Variants in FA2H observed in about 807,000 individuals in gnomAD.
FA2H encodes the protein fatty acid alpha-hydroxylase.
In FA2H, 22 loss-of-function variants were observed where a neutral mutation model predicts 44.9. That is an observed-to-expected ratio of 0.49 (90% confidence interval 0.35 to 0.70). The LOEUF (loss-of-function observed/expected upper bound fraction) is 0.70. Ranked by LOEUF, FA2H falls within the 30% of genes least tolerant of loss-of-function variation. The pLI is 0.01. For synonymous variants in FA2H, 243 were observed against 213.2 expected, an observed-to-expected ratio of 1.14 and a Z score of -1.22; for missense variants, 501 against 504.9, an observed-to-expected ratio of 0.99 and a Z score of 0.07.
intron 6 of FA2H, 36 bp downstream of exon 6, chr16:74,716,311 C>A: frequency 6.2e-7 from 1 of 1,609,526 alleles, no homozygotes; most frequent in Non-Finnish European, 8.5e-7. Context: ...TCAATGAACA[C>A]ACATAGGGGG....
intron 1 of FA2H, among the ~76,000 whole-genome samples, chr16:74,772,131 G>A (rs1297260776): frequency 2.0e-5 from 3 of 152,076 alleles, no homozygotes; most frequent in East Asian, 1.9e-4. Flanking sequence ...GGCCCCGGCC[G>A]ACTTTTGGCC....
At chr16:74,748,842 G>T (rs942310687) in intron 1 of FA2H, among the ~76,000 whole-genome samples, 2 of 152,202 alleles carry the variant, frequency 1.3e-5, no homozygotes, top group African/African-American at 4.8e-5. Flanking sequence ...ACCGCGGGAC[G>T]GACAGATGGC....
chr16:74,741,352 C>G (rs1962290494), intron 1 of FA2H: 1 of 152,226 alleles, frequency 6.6e-6, no homozygotes, highest in Admixed American at 6.5e-5. Context: ...GTGACAGTGA[C>G]TATTTTGGCA....
At chr16:74,716,256 A>C (rs963870542) in intron 6 of FA2H, 91 bp downstream of exon 6, 2 of 1,450,696 alleles carry the variant, frequency 1.4e-6, no homozygotes, top group African/African-American at 2.8e-5. Flanking sequence ...TACATGGAAC[A>C]GTGCCTTGCC....
At chr16:74,719,750 C>A (rs1961788160) in intron 4 of FA2H, among the ~76,000 whole-genome samples, 1 of 151,870 alleles carries the variant, frequency 6.6e-6, no homozygotes, top group Admixed American at 6.6e-5. Context: ...GAGACGAGAT[C>A]TTGCTATGTT....
intron 2 of FA2H, 114 bp from the exon 3 acceptor site, chr16:74,727,500 T>C: frequency 8.6e-7 from 1 of 1,156,664 alleles, no homozygotes. Flanking sequence ...TCCTGTGATC[T>C]GTGTGGGGCC....
chr16:74,747,283 C>T (rs541548669), intron 1 of FA2H, among the ~76,000 whole-genome samples: 10 of 151,816 alleles, frequency 6.6e-5, no homozygotes, highest in Non-Finnish European at 8.8e-5. Context: ...TGCACTCCAG[C>T]CTGGGTGACA....
chr16:74,720,180 C>CTTTTT lies in FA2H; in HGVS notation c.614-1025_614-1021dup, dbSNP rs56341013. Among the ~76,000 whole-genome samples the CTTTTT allele has an allele frequency of 2.5e-3, 118 of 47,244 alleles. 21 individuals are homozygous for CTTTTT. Among genetic ancestry groups the CTTTTT allele is most frequent in the African/African-American group, 7.2e-3 (71 of 9,822 alleles). 31.0% of individuals were successfully genotyped at this position (47,244 alleles called of 152,430 possible). A position where few individuals can be genotyped will look rare whatever the true frequency, so the allele number is the denominator to read the frequency against. On this transcript the variant is annotated intron_variant, in intron 4 of 6. Transcript: ENST00000219368. ...TTTGCTCCATATATTCATCCTCATC[C>CTTTTT]TTTTTTTTTTTTTTTTTTTTTTTTT...
intron 2 of FA2H, among the ~76,000 whole-genome samples, chr16:74,735,129 A>G (rs1377480582): frequency 1.3e-5 from 2 of 152,212 alleles, no homozygotes; most frequent in African/African-American, 4.8e-5. Context: ...GTTCGGCTGC[A>G]TATGCTGTGG....
chr16:74,739,926 G>A (rs780549181), intron 2 of FA2H, 97 bp downstream of exon 2: 269 of 927,254 alleles, frequency 2.9e-4, no homozygotes, highest in Admixed American at 3.0e-4. Flanking sequence ...CTGGGCACAC[G>A]TCATGCCCAC....
At chr16:74,756,158 G>C (rs538192179) in intron 1 of FA2H, among the ~76,000 whole-genome samples, 168 of 152,270 alleles carry the variant, frequency 1.1e-3, no homozygotes, top group African/African-American at 3.9e-3. Flanking sequence ...TGCCGTCCTA[G>C]CCTTGGTCAT....
At chr16:74,719,985 C>T (rs1217223154) in intron 4 of FA2H, among the ~76,000 whole-genome samples, 6 of 151,934 alleles carry the variant, frequency 3.9e-5, no homozygotes, top group Admixed American at 3.9e-4. Context: ...TGTGAAAACA[C>T]TGAAGATGAT....
At chr16:74,766,929 T>G (rs555267071) in intron 1 of FA2H, among the ~76,000 whole-genome samples, 1 of 151,932 alleles carries the variant, frequency 6.6e-6, no homozygotes, top group Non-Finnish European at 1.5e-5. Context: ...CGCTGTTGCC[T>G]GGGAGGAGGC....
chr16:74,748,574 T>G (rs1962470185), intron 1 of FA2H, among the ~76,000 whole-genome samples: 1 of 152,032 alleles, frequency 6.6e-6, no homozygotes, highest in African/African-American at 2.4e-5. Flanking sequence ...CTTTCTCCCC[T>G]CGTGGAGGAC....
chr16:74,760,305 G>A (rs1248310628), intron 1 of FA2H, among the ~76,000 whole-genome samples: 2 of 152,086 alleles, frequency 1.3e-5, no homozygotes, highest in African/African-American at 4.8e-5. Context: ...ATGTATTTGG[G>A]GTGTTTTGCA....
chr16:74,758,479 A>C (rs1046767622), intron 1 of FA2H, among the ~76,000 whole-genome samples: 58 of 152,126 alleles, frequency 3.8e-4, no homozygotes, highest in African/African-American at 1.4e-3. Context: ...AACTATATTA[A>C]TATGTAATTA....
At chr16:74,760,100 T>C (rs1962679701) in intron 1 of FA2H, among the ~76,000 whole-genome samples, 1 of 152,130 alleles carries the variant, frequency 6.6e-6, no homozygotes, top group Admixed American at 6.5e-5. Context: ...ATCCAAGTGT[T>C]CTTTATCTGA....
chr16:74,742,456 G>A (rs995494675), intron 1 of FA2H, among the ~76,000 whole-genome samples: 4 of 152,158 alleles, frequency 2.6e-5, no homozygotes, highest in Non-Finnish European at 4.4e-5. Context: ...AGTGCCCTTC[G>A]GCCGAGTACA....
At chr16:74,759,543 G>A (rs1193298129) in intron 1 of FA2H, among the ~76,000 whole-genome samples, 1 of 152,182 alleles carries the variant, frequency 6.6e-6, no homozygotes, top group African/African-American at 2.4e-5. Flanking sequence ...GCACACCTGT[G>A]TCACCCACAT....
Sources: gnomAD v4.1 joint callset for allele counts (sites outside exome capture counted in the v4.1 genomes callset) on GRCh38, gnomAD v4.1.1 for gene constraint, MANE v1.5 for transcripts, NCBI Gene and HGNC (gene_info 2026-07-23, HGNC 2026-07-21) for gene names.